The following PAK2 variants were observed in gnomAD, a reference collection of about 807,000 sequenced individuals.
The protein encoded by PAK2 is p21 (RAC1) activated kinase 2, also known as serine/threonine-protein kinase PAK 2.
PAK2 carries 21 observed loss-of-function variants against 65.9 expected under a neutral mutation model. The ratio of observed to expected loss-of-function variants is 0.32; its 90% CI spans 0.23 to 0.46. The LOEUF (loss-of-function observed/expected upper bound fraction) is 0.46. Among genes scored for constraint, PAK2 ranks in the 20% least tolerant of loss-of-function variants. PAK2 has a pLI of 1.00. For missense variants in PAK2, 324 were observed against 642.6 expected (o/e 0.50, Z 5.36); for synonymous variants, 204 against 219.7 (o/e 0.93, Z 0.63).
At chr3:196,779,314 T>C (rs1218361927) in intron 1 of PAK2, among the ~76,000 whole-genome samples, 2 of 152,220 alleles carry the variant, frequency 1.3e-5, no homozygotes, top group Admixed American at 1.3e-4. Context: ...GGAAAATCTT[T>C]CCTGTGTCCC....
intron 12 of PAK2, among the ~76,000 whole-genome samples, chr3:196,819,120 ATTATATTT>A (rs970470851): frequency 1.2e-4 from 18 of 152,192 alleles, no homozygotes; most frequent in African/African-American, 4.3e-4. Context: ...TACATGGATT[ATTATATTT>A]TTATATTCTG....
At chr3:196,752,835 G>A (rs1401361854) in intron 1 of PAK2, among the ~76,000 whole-genome samples, 1 of 151,720 alleles carries the variant, frequency 6.6e-6, no homozygotes, top group Non-Finnish European at 1.5e-5. Context: ...CAAGTGATCC[G>A]TCTGCCTTGG....
chr3:196,751,647 C>CA (rs1025070954), intron 1 of PAK2, among the ~76,000 whole-genome samples: 1 of 89,616 alleles, frequency 1.1e-5, no homozygotes, highest in Non-Finnish European at 2.1e-5. Flanking sequence ...ACTGTCCCCC[C>CA]AAAAAACACA....
intron 1 of PAK2, among the ~76,000 whole-genome samples, chr3:196,773,470 GA>G (rs1714424492): frequency 6.6e-6 from 1 of 152,146 alleles, no homozygotes; most frequent in Admixed American, 6.6e-5. Flanking sequence ...CTGTTTTATG[GA>G]AAAGAGAACT....
In PAK2 at chr3:196,826,073, A is replaced by G. The variant is rs540523043; in HGVS notation, c.1351-1123A>G. 2.0e-5 allele frequency among the ~76,000 whole-genome samples: 3 copies of G among 151,794 alleles called. No homozygotes were observed. The South Asian group carries it at 6.2e-4, about 32-fold the overall frequency. On this transcript the variant is annotated intron_variant, in intron 13 of 14. Transcript: ENST00000327134. ...TGCCATGTTGCCCAGCCTGGTCTCG[A>G]GCTCCTGAGCCCAGGCAATCCACTT...
chr3:196,750,758 A>ATTTT (rs765956328), intron 1 of PAK2, among the ~76,000 whole-genome samples: 37 of 133,482 alleles, frequency 2.8e-4, no homozygotes, highest in African/African-American at 8.9e-4. Flanking sequence ...ATAAAGTTTA[A>ATTTT]AAAAAAAAAA....
chr3:196,775,603 G>A lies in PAK2; in HGVS notation c.-21-7023G>A, dbSNP rs566879911. On this transcript the variant is annotated intron_variant, in intron 1 of 14. Coordinates refer to ENST00000327134, the MANE Select transcript of PAK2 (RefSeq NM_002577.4). ...TCACCATGTTGGCCAGGATGGTCTC[G>A]ATCTCTTGACCTTGTGATCTGCCCG... Among the ~76,000 whole-genome samples the A allele has an allele frequency of 3.3e-5, 5 of 152,142 alleles. No homozygotes were observed. In the East Asian group the frequency reaches 5.8e-4, roughly 18 times the overall value.
chr3:196,761,409 C>T (rs1327390391), intron 1 of PAK2, among the ~76,000 whole-genome samples: 1 of 71,730 alleles, frequency 1.4e-5, no homozygotes, highest in Non-Finnish European at 2.7e-5. Flanking sequence ...ACATCTTGCA[C>T]CGCCCTTAAT....
intron 12 of PAK2, among the ~76,000 whole-genome samples, chr3:196,819,038 A>G (rs1041014957): frequency 6.6e-6 from 1 of 152,236 alleles, no homozygotes; most frequent in Non-Finnish European, 1.5e-5. Context: ...CGCAGTAAGT[A>G]CAAGGATGTT....
At chr3:196,751,750 T>C (rs1333267805) in intron 1 of PAK2, among the ~76,000 whole-genome samples, 2 of 137,960 alleles carry the variant, frequency 1.4e-5, no homozygotes, top group Non-Finnish European at 3.1e-5. Flanking sequence ...TCTTTTTTTT[T>C]TTTTTTTTTT....
chr3:196,745,036 T>G (rs572564511), intron 1 of PAK2, among the ~76,000 whole-genome samples: 1 of 152,222 alleles, frequency 6.6e-6, no homozygotes, highest in Non-Finnish European at 1.5e-5. Flanking sequence ...TGCCTTCTGT[T>G]TAAGATCTTC....
intron 11 of PAK2, 68 bp downstream of exon 11, chr3:196,814,636 T>A (rs1715934071): frequency 1.4e-6 from 1 of 740,668 alleles, no homozygotes; most frequent in Non-Finnish European, 2.4e-6. Context: ...AAAAGGAAAT[T>A]TTTCTGCACA....
At chr3:196,774,184 T>C (rs2108732502) in intron 1 of PAK2, among the ~76,000 whole-genome samples, 1 of 152,358 alleles carries the variant, frequency 6.6e-6, no homozygotes. Flanking sequence ...ATAGTTGTAA[T>C]TCATTGCCGA....
intron 7 of PAK2, among the ~76,000 whole-genome samples, chr3:196,809,063 A>C (rs187235809): frequency 1.4e-5 from 2 of 147,030 alleles, no homozygotes; most frequent in Admixed American, 6.9e-5. Context: ...TTAGACCCCG[A>C]CTCCACCCCC....
chr3:196,807,237 C>T (rs987923364), intron 6 of PAK2, among the ~76,000 whole-genome samples: 1 of 152,068 alleles, frequency 6.6e-6, no homozygotes, highest in African/African-American at 2.4e-5. Context: ...GGTGCTGTGC[C>T]GTGGAATGGG....
At chr3:196,777,946 AGT>A (rs1036014271) in intron 1 of PAK2, among the ~76,000 whole-genome samples, 9 of 152,228 alleles carry the variant, frequency 5.9e-5, no homozygotes, top group Non-Finnish European at 1.0e-4. Flanking sequence ...GAGTGGTTTT[AGT>A]GTATTCACAG....
intron 14 of PAK2, among the ~76,000 whole-genome samples, chr3:196,827,917 ACAGT>A (rs1711937244): frequency 3.1e-5 from 1 of 32,100 alleles, no homozygotes. Flanking sequence ...AGACCTGTTT[ACAGT>A]TTGTGCATCG....
At chr3:196,751,104 C>G (rs1422868070) in intron 1 of PAK2, among the ~76,000 whole-genome samples, 3 of 152,118 alleles carry the variant, frequency 2.0e-5, no homozygotes, top group African/African-American at 7.2e-5. Flanking sequence ...CTTGCCTCTT[C>G]TGGATATTTC....
At chr3:196,765,442 T>C (rs970804158) in intron 1 of PAK2, among the ~76,000 whole-genome samples, 8 of 152,140 alleles carry the variant, frequency 5.3e-5, no homozygotes, top group African/African-American at 1.9e-4. Context: ...AGCCACCGCA[T>C]CCAGCCTGCC....
Sources: allele counts gnomAD v4.1 joint callset (sites outside exome capture counted in the v4.1 genomes callset), GRCh38; gene constraint gnomAD v4.1.1; transcripts MANE v1.5; gene names NCBI Gene and HGNC (gene_info 2026-07-23, HGNC 2026-07-21).